Variants in RAB7B observed in about 807,000 individuals in gnomAD.
The protein encoded by RAB7B is ras-related protein Rab-7b.
chr1:206,001,274 C>T (rs1189561123), intron 1 of RAB7B, among the ~76,000 whole-genome samples: 6 of 133,586 alleles, frequency 4.5e-5, no homozygotes, highest in African/African-American at 1.3e-4. Flanking sequence ...TGGCAGTAGC[C>T]GTCTTTTTTT....
Position 205,978,666 on chromosome 1 carries a change from AG to A in RAB7B, c.*184del. 1 of 390,060 alleles carries A rather than the reference AG, an allele frequency of 2.6e-6. No homozygotes were observed. The highest frequency in any genetic ancestry group is 4.5e-6 in the Non-Finnish European group (1 of 221,036). The allele number at this position is 390,060 out of a possible 1,614,324, so 24.2% of individuals were successfully genotyped here. A position where few individuals can be genotyped will look rare whatever the true frequency, so the allele number is the denominator to read the frequency against. ...GCTCTCACTATACTCAGCCTGAGCC[AG>A]GGGCTGCCCTCTGACTCTGGGCCCA... On this transcript the variant is annotated 3_prime_UTR_variant, in exon 6 of 6. Coordinates refer to ENST00000617070, the MANE Select transcript of RAB7B (RefSeq NM_001164522.3).
In RAB7B at chr1:205,978,659, C is replaced by T; in HGVS notation, c.*192G>A. On this transcript the variant is annotated 3_prime_UTR_variant, in exon 6 of 6. Coordinates refer to ENST00000617070, the MANE Select transcript of RAB7B (RefSeq NM_001164522.3). ...TCCAGACGCTCTCACTATACTCAGC[C>T]TGAGCCAGGGGCTGCCCTCTGACTC... 1 of 388,700 alleles carries T rather than the reference C, an allele frequency of 2.6e-6. No homozygotes were observed. The allele number at this position is 388,700 out of a possible 1,614,324, so 24.1% of individuals were successfully genotyped here.
At position 205,992,887 on chromosome 1, in the gene RAB7B, A is replaced by G. The variant is rs973678781; in HGVS notation, c.181-192T>C. On this transcript the variant is annotated intron_variant, in intron 3 of 5. Coordinates refer to ENST00000617070, the MANE Select transcript of RAB7B (RefSeq NM_001164522.3). ...TACACTCCAGCACCTTTGTGGTAAC[A>G]TTTAACATCCTGAGAGTAATTTCAC... 6.4e-4 allele frequency among the ~76,000 whole-genome samples: 98 copies of G among 152,340 alleles called. 1 individual carries two copies. Among genetic ancestry groups the G allele is most frequent in the African/African-American group, 2.3e-3 (95 of 41,574 alleles).
chr1:205,978,881 C>A lies in RAB7B; in HGVS notation c.570G>T (p.Ser190=). ...AGCATCTGCTCCTTGACTGGTCTGG[C>A]GAGAGCTTGATGGATTCTGTGAGGT... is the stretch of plus-strand genomic sequence containing the variant. ...ENHLTESIKL[S]PDQSRSRCC The change falls in exon 6 of 6, where the codon TCG becomes TCT. Residue 190 remains serine (S), a synonymous_variant. Coordinates refer to ENST00000617070, the MANE Select transcript of RAB7B (RefSeq NM_001164522.3). The A allele has an allele frequency of 2.5e-6, 1 of 398,670 alleles. No homozygotes were observed. The highest frequency in any genetic ancestry group is 3.6e-5 in the East Asian group (1 of 28,074). 24.7% of individuals were successfully genotyped at this position (398,670 alleles called of 1,614,324 possible). A position where few individuals can be genotyped will look rare whatever the true frequency, so the allele number is the denominator to read the frequency against.
chr1:205,982,389 A>C (rs1024202666), intron 5 of RAB7B, among the ~76,000 whole-genome samples: 63 of 152,244 alleles, frequency 4.1e-4, no homozygotes, highest in Admixed American at 1.8e-3. Flanking sequence ...TGCCAGCTCT[A>C]TCCTCTCACA....
In RAB7B at chr1:205,985,762, A is replaced by AG. The variant is rs1660585736; in HGVS notation, c.397-98_397-97insC. 8.4e-4 allele frequency: 227 copies of AG among 271,244 alleles called. 14 individuals are homozygous for AG. Among genetic ancestry groups the AG allele is most frequent in the African/African-American group, 1.0e-3 (33 of 32,132 alleles). The allele number at this position is 271,244 out of a possible 1,614,324, so 16.8% of individuals were successfully genotyped here. A position where few individuals can be genotyped will look rare whatever the true frequency, so the allele number is the denominator to read the frequency against. ...CCCCACCATCCCCATCAGGCCCACC[A>AG]TCCCCACCATCCCCATCATCCCCAC... On this transcript the variant is annotated intron_variant, in intron 4 of 5. Coordinates refer to ENST00000617070, the MANE Select transcript of RAB7B (RefSeq NM_001164522.3).
chr1:205,984,155 C>T (rs907331723), intron 5 of RAB7B: 1 of 152,272 alleles, frequency 6.6e-6, no homozygotes, highest in Admixed American at 6.5e-5. Context: ...CTTGACCAAG[C>T]ACTAAGAGAG....
In RAB7B at chr1:205,977,119, A is replaced by G. The variant is rs1660394130; in HGVS notation, c.*1732T>C. The stretch of plus-strand genomic sequence containing the variant: ...AGTCAGATGACAGTCATAGGCTAAC[A>G]TCCCCAGCTTTGCCTGGAACTCAGG... On this transcript the variant is annotated 3_prime_UTR_variant, in exon 6 of 6. Coordinates refer to ENST00000617070, the MANE Select transcript of RAB7B (RefSeq NM_001164522.3). The G allele has an allele frequency of 6.6e-6, 1 of 152,308 alleles. No individual in the cohort carries two copies. The highest frequency in any genetic ancestry group is 6.5e-5 in the Admixed American group (1 of 15,288). 9.4% of individuals were successfully genotyped at this position (152,308 alleles called of 1,614,324 possible). A position where few individuals can be genotyped will look rare whatever the true frequency, so the allele number is the denominator to read the frequency against.
chr1:205,997,366 G>A (rs916277659), intron 1 of RAB7B, among the ~76,000 whole-genome samples: 3 of 152,208 alleles, frequency 2.0e-5, no homozygotes, highest in Non-Finnish European at 4.4e-5. Context: ...TGAGAATTCA[G>A]CAGAACTAGG....
At chr1:205,990,496 G>A (rs1201669815) in intron 4 of RAB7B, among the ~76,000 whole-genome samples, 3 of 152,184 alleles carry the variant, frequency 2.0e-5, no homozygotes, top group Non-Finnish European at 4.4e-5. Context: ...GAGCCAGAAT[G>A]CATGAGTGTG....
intron 2 of RAB7B, 80 bp from the exon 3 acceptor site, chr1:205,993,626 C>G: frequency 2.5e-6 from 1 of 397,590 alleles, no homozygotes; most frequent in East Asian, 3.6e-5. Context: ...TCAGAATCTT[C>G]CCAGGCCCCT....
chr1:205,979,430 C>T (rs967214498), intron 5 of RAB7B, among the ~76,000 whole-genome samples: 14 of 152,250 alleles, frequency 9.2e-5, no homozygotes, highest in African/African-American at 2.6e-4. Context: ...ATGTTTCTCC[C>T]GGGCCCTTTT....
At chr1:205,988,540 A>G (rs1660658385) in intron 4 of RAB7B, among the ~76,000 whole-genome samples, 1 of 152,220 alleles carries the variant, frequency 6.6e-6, no homozygotes, top group African/African-American at 2.4e-5. Context: ...AAACTGCAGT[A>G]CATTTTTATA....
chr1:205,993,853 T>C (rs1280239374), intron 2 of RAB7B, among the ~76,000 whole-genome samples: 3 of 152,220 alleles, frequency 2.0e-5, no homozygotes, highest in African/African-American at 7.2e-5. Flanking sequence ...ATGGCTTGCC[T>C]AATTCACACA....
intron 5 of RAB7B, among the ~76,000 whole-genome samples, chr1:205,982,135 G>T (rs909612145): frequency 6.6e-6 from 1 of 152,138 alleles, no homozygotes; most frequent in African/African-American, 2.4e-5. Context: ...CTGGTGTCTC[G>T]AGGATCCTTG....
At chr1:206,000,317 A>C (rs1660871319) in intron 1 of RAB7B, among the ~76,000 whole-genome samples, 1 of 152,256 alleles carries the variant, frequency 6.6e-6, no homozygotes, top group Admixed American at 6.5e-5. Context: ...GTAATTTAAG[A>C]ATATCAAATA....
At chr1:205,996,597 A>G (rs1361241401) in intron 1 of RAB7B, among the ~76,000 whole-genome samples, 1 of 152,176 alleles carries the variant, frequency 6.6e-6, no homozygotes, top group African/African-American at 2.4e-5. Context: ...TTGGGACACA[A>G]AGTTAAAATG....
At chr1:205,997,861 A>G (rs903854732) in intron 1 of RAB7B, among the ~76,000 whole-genome samples, 1 of 152,226 alleles carries the variant, frequency 6.6e-6, no homozygotes, top group African/African-American at 2.4e-5. Context: ...GTCAGAACCA[A>G]AGGCAGGCAG....
chr1:205,982,346 T>C (rs1660509483), intron 5 of RAB7B, among the ~76,000 whole-genome samples: 1 of 152,198 alleles, frequency 6.6e-6, no homozygotes, highest in Admixed American at 6.5e-5. Context: ...CTGATGTTTC[T>C]ACCTCCAAAG....
Sources: gnomAD v4.1 joint callset for allele counts (sites outside exome capture counted in the v4.1 genomes callset) on GRCh38, gnomAD v4.1.1 for gene constraint, MANE v1.5 for transcripts, NCBI Gene and HGNC (gene_info 2026-07-23, HGNC 2026-07-21) for gene names.